DNAH5: variants seen among roughly 807,000 people sequenced by gnomAD.
DNAH5 encodes dynein axonemal heavy chain 5.
In DNAH5, 372 loss-of-function variants were observed where a neutral mutation model predicts 518.2. That is an observed-to-expected ratio of 0.72 (90% CI 0.66 to 0.78). The LOEUF (loss-of-function observed/expected upper bound fraction) is 0.78, where lower values mean the gene tolerates loss of function less well. Ranked by LOEUF, DNAH5 falls within the 30% of genes least tolerant of loss-of-function variation. The probability of loss-of-function intolerance (pLI) is 0.00; values close to 1 mark genes in which losing one functional copy is unlikely to be tolerated. For synonymous variants in DNAH5, 2,039 were observed against 2,025.9 expected (o/e 1.01, Z -0.17); for missense variants, 5,523 against 5,687.0 (o/e 0.97, Z 0.93).
intron 3 of DNAH5, among the ~76,000 whole-genome samples, chr5:13,925,666 G>T (rs1293360791): frequency 6.6e-6 from 1 of 152,134 alleles, no homozygotes; most frequent in Non-Finnish European, 1.5e-5. Context: ...CACCAGAACA[G>T]CACAGGAAAG....
At chr5:13,717,873 T>C (rs1158690525) in intron 72 of DNAH5, among the ~76,000 whole-genome samples, 2 of 152,188 alleles carry the variant, frequency 1.3e-5, no homozygotes, top group African/African-American at 4.8e-5. Context: ...TTACTGTTGT[T>C]TTGAGCATAT....
chr5:14,004,111 C>G (rs1784553463), intron 1 of DNAH5, among the ~76,000 whole-genome samples: 1 of 152,256 alleles, frequency 6.6e-6, no homozygotes, highest in Non-Finnish European at 1.5e-5. Flanking sequence ...GGAACTTCCT[C>G]TTTCACTTGA....
intron 68 of DNAH5, among the ~76,000 whole-genome samples, chr5:13,732,011 T>C (rs1256371641): frequency 6.6e-6 from 1 of 151,916 alleles, no homozygotes; most frequent in East Asian, 1.9e-4. Flanking sequence ...CATGAGCTTG[T>C]AGTCCTAGCT....
At chr5:13,943,090 T>C (rs1779612508) in intron 1 of DNAH5, among the ~76,000 whole-genome samples, 1 of 152,180 alleles carries the variant, frequency 6.6e-6, no homozygotes, top group Admixed American at 6.5e-5. Context: ...TCTCAAAACA[T>C]AGTTCATGTC....
intron 55 of DNAH5, among the ~76,000 whole-genome samples, chr5:13,771,665 G>A (rs1447929093): frequency 6.6e-6 from 1 of 152,146 alleles, no homozygotes. Flanking sequence ...CTGTTGCGGA[G>A]CCACCACTGC....
rs1184961611 is a variant in DNAH5, at chr5:13,788,912, A to T, written c.8451T>A (p.Asp2817Glu). The T allele has an allele frequency of 6.2e-7, 1 of 1,613,582 alleles. No individual in the cohort carries two copies. The highest frequency in any genetic ancestry group is 1.7e-5 in the Admixed American group (1 of 59,970). The part of the protein sequence containing the change: ...TTSEVIKEPN[D>E]LLKLWKHECK... ...ACTCATGCTTCCACAGCTTTAACAG[A>T]TCCTGTTGAAAGTATAATTAAAATG... Residue 2817 changes from aspartate to glutamate, a missense_variant and splice_region_variant, in exon 51 of 79, where the codon GAT becomes GAA. Transcript: ENST00000265104.
At chr5:13,871,049 A>G (rs745396479) in intron 23 of DNAH5, 47 bp from the exon 24 acceptor site, 1 of 1,427,860 alleles carries the variant, frequency 7.0e-7, no homozygotes, top group Non-Finnish European at 9.8e-7. Flanking sequence ...AACTCGAATC[A>G]GTACGAAAAG....
rs778592743 is a variant in DNAH5, at chr5:13,920,448, C to T, written c.798+32G>A. Reference sequence around the variant, plus strand: ...CATTGTCTAGCGCAGTAATGTGGCACCTGAAATTGATGTTTGGTTTCTCAA... The same window carrying T: ...CATTGTCTAGCGCAGTAATGTGGCATCTGAAATTGATGTTTGGTTTCTCAA... On this transcript the variant is annotated intron_variant, in intron 6 of 78. Coordinates refer to ENST00000265104, the MANE Select transcript of DNAH5 (RefSeq NM_001369.3). 8 of 1,613,702 alleles carry T rather than the reference C, an allele frequency of 5.0e-6. 1 individual carries two copies. The South Asian group carries it at 7.7e-5, about 16-fold the overall frequency.
intron 52 of DNAH5, among the ~76,000 whole-genome samples, chr5:13,781,715 G>A (rs1432564830): frequency 1.3e-5 from 2 of 152,044 alleles, no homozygotes; most frequent in African/African-American, 2.4e-5. Context: ...CTTCAGCCAT[G>A]TGGAACTATA....
intron 1 of DNAH5, among the ~76,000 whole-genome samples, chr5:13,938,501 A>G (rs1021709935): frequency 6.6e-6 from 1 of 151,676 alleles, no homozygotes; most frequent in African/African-American, 2.4e-5. Flanking sequence ...CACCTAATTT[A>G]TAAGTTAAAG....
In DNAH5 at chr5:13,777,335, A is replaced by G. The variant is rs1754249461; in HGVS notation, c.8972T>C (p.Leu2991Pro). The change falls in exon 54 of 79, where the codon CTG (leucine) becomes CCG (proline). Residue 2991 changes from leucine to proline, a missense_variant. By Grantham distance (98) the Leu-to-Pro change is moderately conservative. This residue lies in a region of DNAH5 where 5,121 missense variants were observed against 5,223.3 expected (regional missense o/e 0.98). Transcript: ENST00000265104. The part of the protein sequence containing the change: ...TLTRSYNTSN[L>P]MEDLKVLYRT... ...ATACAAAACCTTCAGATCTTCCATCAGATTTGATGTGTTGTAGGATCTAAA... is the reference window on the plus strand; with the variant it reads ...ATACAAAACCTTCAGATCTTCCATCGGATTTGATGTGTTGTAGGATCTAAA... 1 of 1,613,356 alleles carries G rather than the reference A, an allele frequency of 6.2e-7. No individual in the cohort carries two copies. The highest frequency in any genetic ancestry group is 1.1e-5 in the South Asian group (1 of 91,066).
At chr5:13,991,052 CG>C (rs1783506464) in intron 1 of DNAH5, among the ~76,000 whole-genome samples, 1 of 152,066 alleles carries the variant, frequency 6.6e-6, no homozygotes, top group Non-Finnish European at 1.5e-5. Context: ...CAGTAGGTGT[CG>C]GGGGCTGGAT....
intron 70 of DNAH5, 30 bp from the exon 71 acceptor site, chr5:13,721,275 A>T (rs1008273127): frequency 1.9e-5 from 30 of 1,613,772 alleles, no homozygotes; most frequent in Non-Finnish European, 2.3e-5. Flanking sequence ...AGTCAGTAAA[A>T]GTCATTCCAA....
Position 13,717,316 on chromosome 5 carries a change from T to C in DNAH5, c.12704A>G (p.Lys4235Arg). Residue 4235 changes from lysine (K) to arginine (R), a missense_variant and splice_region_variant, in exon 73 of 79, where the codon AAG (lysine) becomes AGG (arginine). Lys to Arg is a conservative substitution (Grantham distance 26). Transcript: ENST00000265104. The stretch of plus-strand genomic sequence containing the variant: ...ATGAGGCAGCATGCGCGGCAGTACC[T>C]TTTTGACATCCATGTCATCCAAGTG... ...QNHLDDMDVK[K>R]GVSWTTIRYM... 6.2e-7 allele frequency: 1 copy of C among 1,613,366 alleles called. No individual in the cohort carries two copies. Among genetic ancestry groups the C allele is most frequent in the South Asian group, 1.1e-5 (1 of 90,966 alleles).
chr5:13,791,561 G>A (rs114757245), intron 50 of DNAH5, among the ~76,000 whole-genome samples: 4,160 of 152,112 alleles, frequency 0.027, 78 homozygotes, highest in Non-Finnish European at 0.042. Context: ...TCAACAAAAT[G>A]GGTTTTTTAA....
At chr5:13,828,062 C>T (rs533783302) in intron 38 of DNAH5, among the ~76,000 whole-genome samples, 17 of 152,296 alleles carry the variant, frequency 1.1e-4, no homozygotes, top group African/African-American at 4.1e-4. Flanking sequence ...AGCATGAGAA[C>T]AGACTAATAC....
At chr5:13,810,017 A>T in intron 45 of DNAH5, 42 bp downstream of exon 45, 1 of 1,534,094 alleles carries the variant, frequency 6.5e-7, no homozygotes, top group Non-Finnish European at 8.8e-7. Flanking sequence ...GTAGGAAAGA[A>T]CGGCCCCCAT....
intron 15 of DNAH5, chr5:13,896,819 T>C (rs995753322): frequency 2.0e-5 from 3 of 152,232 alleles, no homozygotes; most frequent in African/African-American, 7.2e-5. Flanking sequence ...TATGTAACCA[T>C]GTCAATATTA....
Position 13,817,412 on chromosome 5 carries a change from T to C in DNAH5, c.6988+136A>G, listed in dbSNP as rs1266716827. On this transcript the variant is annotated intron_variant, in intron 42 of 78. Coordinates refer to ENST00000265104, the MANE Select transcript of DNAH5 (RefSeq NM_001369.3). Reference sequence around the variant, plus strand: ...TCCATTATTTCAACTTTCACAAATATCACACTGATTTATGACTTCTTAGTC... The same window carrying C: ...TCCATTATTTCAACTTTCACAAATACCACACTGATTTATGACTTCTTAGTC... The C allele has an allele frequency of 6.1e-6, 5 of 818,804 alleles. No individual in the cohort carries two copies. The Admixed American group carries it at 1.0e-4, about 17-fold the overall frequency. 50.7% of individuals were successfully genotyped at this position (818,804 alleles called of 1,614,324 possible).
Sources: allele counts gnomAD v4.1 joint callset (sites outside exome capture counted in the v4.1 genomes callset), GRCh38; gene constraint gnomAD v4.1.1; regional missense constraint gnomAD v4.1.1; transcripts MANE v1.5; gene names NCBI Gene and HGNC (gene_info 2026-07-23, HGNC 2026-07-21).